The following CDH9 variants were observed in gnomAD, a reference collection of about 807,000 sequenced individuals.
CDH9 encodes the protein cadherin 9.
Under a neutral mutation model 70.9 loss-of-function variants are expected in CDH9, and 28 were observed. The ratio of observed to expected loss-of-function variants is 0.40; its 90% confidence interval spans 0.29 to 0.54. The LOEUF is 0.54. Ranked by LOEUF, CDH9 falls within the 20% of genes least tolerant of loss-of-function variation. The pLI, the probability that CDH9 is intolerant of heterozygous loss-of-function variation, is 0.59. For synonymous variants in CDH9, 409 were observed against 343.1 expected (o/e 1.19, Z -2.12); for missense variants, 874 against 984.4 (o/e 0.89, Z 1.50).
intron 1 of CDH9, among the ~76,000 whole-genome samples, chr5:27,003,562 C>T (rs1742807453): frequency 6.6e-6 from 1 of 152,028 alleles, no homozygotes; most frequent in Admixed American, 6.6e-5. Flanking sequence ...ACATGATCTC[C>T]ATGGTCCTTC....
chr5:26,952,901 CAAAAAAAA>C (rs70939788), intron 2 of CDH9, among the ~76,000 whole-genome samples: 1 of 105,268 alleles, frequency 9.5e-6, no homozygotes, highest in East Asian at 2.7e-4. Context: ...GTTTCTATTC[CAAAAAAAA>C]AAAAAAAAAA....
chr5:26,963,762 A>T (rs1057119433), intron 2 of CDH9, among the ~76,000 whole-genome samples: 1 of 152,160 alleles, frequency 6.6e-6, no homozygotes, highest in Admixed American at 6.5e-5. Flanking sequence ...ATTTCAATGG[A>T]TATTATGATG....
At chr5:27,020,651 GATCCGATGTATTATT>G (rs1180408318) in intron 1 of CDH9, among the ~76,000 whole-genome samples, 2 of 150,936 alleles carry the variant, frequency 1.3e-5, no homozygotes, top group Admixed American at 1.3e-4. Flanking sequence ...TATACATCTT[GATCCGATGTATTATT>G]TTCTATGCCA....
chr5:27,024,082 A>G (rs1433724501), intron 1 of CDH9, among the ~76,000 whole-genome samples: 1 of 151,778 alleles, frequency 6.6e-6, no homozygotes, highest in Non-Finnish European at 1.5e-5. Context: ...ATAAATAATA[A>G]AAATAAACAT....
intron 2 of CDH9, among the ~76,000 whole-genome samples, chr5:26,923,356 C>T (rs1349856041): frequency 6.6e-6 from 1 of 151,652 alleles, no homozygotes; most frequent in East Asian, 1.9e-4. Context: ...GTCAATTCAG[C>T]AAGAAGATAT....
At chr5:27,030,973 T>A (rs975989211) in intron 1 of CDH9, among the ~76,000 whole-genome samples, 2 of 151,896 alleles carry the variant, frequency 1.3e-5, no homozygotes, top group African/African-American at 4.8e-5. Flanking sequence ...TCTGTAATCC[T>A]AACTTATATG....
chr5:26,988,398 A>G lies in CDH9; in HGVS notation c.-49-16T>C, dbSNP rs1742524102. The G allele has an allele frequency of 4.5e-6, 7 of 1,553,948 alleles. No homozygotes were observed. The East Asian group carries it at 1.1e-4, about 25-fold the overall frequency. On this transcript the variant is annotated splice_polypyrimidine_tract_variant and intron_variant, in intron 1 of 11. Transcript: ENST00000231021. ...TTTGTTTTTCCTAAAGAGTAAGGAG[A>G]AAAAAAATGGCTGTATTAGCTTGAG... is the stretch of plus-strand genomic sequence containing the variant.
intron 7 of CDH9, among the ~76,000 whole-genome samples, chr5:26,901,980 T>TATTTCATATTTTCTAGGAAAAC (rs1404266546): frequency 7.2e-5 from 11 of 151,962 alleles, no homozygotes; most frequent in African/African-American, 2.7e-4. Flanking sequence ...CAAAAGAAAA[T>TATTTCATATTTTCTAGGAAAAC]ATTTCATATT....
chr5:26,964,499 C>A (rs188579266), intron 2 of CDH9, among the ~76,000 whole-genome samples: 1 of 152,240 alleles, frequency 6.6e-6, no homozygotes, highest in African/African-American at 2.4e-5. Flanking sequence ...TCCACTCAAC[C>A]AACCAATGAA....
intron 1 of CDH9, among the ~76,000 whole-genome samples, chr5:26,990,574 A>G (rs1187813697): frequency 1.3e-5 from 2 of 152,180 alleles, no homozygotes; most frequent in Non-Finnish European, 2.9e-5. Context: ...CCGGAATTAG[A>G]TATCAGAAAT....
intron 3 of CDH9, among the ~76,000 whole-genome samples, chr5:26,913,048 T>C (rs1579679684): frequency 1.3e-5 from 2 of 152,162 alleles, no homozygotes; most frequent in African/African-American, 4.8e-5. Flanking sequence ...TCCTCAGCCA[T>C]GTGGAACTGT....
At chr5:26,898,789 AG>A (rs1740798819) in intron 7 of CDH9, among the ~76,000 whole-genome samples, 2 of 152,324 alleles carry the variant, frequency 1.3e-5, no homozygotes, top group East Asian at 3.9e-4. Flanking sequence ...AAACACCAAA[AG>A]CAATGACAAC....
intron 1 of CDH9, among the ~76,000 whole-genome samples, chr5:27,021,132 G>C: frequency 6.6e-6 from 1 of 151,638 alleles, no homozygotes; most frequent in Admixed American, 6.6e-5. Context: ...GCATATTAGG[G>C]GAGTCTCTCC....
intron 6 of CDH9, 58 bp from the exon 7 acceptor site, chr5:26,902,787 A>G (rs951087226): frequency 9.7e-7 from 1 of 1,031,508 alleles, no homozygotes; most frequent in Non-Finnish European, 1.4e-6. Flanking sequence ...ACAATGAAAG[A>G]CGATTTCAAA....
chr5:26,982,796 C>T (rs896390391), intron 2 of CDH9, among the ~76,000 whole-genome samples: 4 of 151,900 alleles, frequency 2.6e-5, no homozygotes, highest in African/African-American at 9.7e-5. Flanking sequence ...GATTCTCCTG[C>T]CTCAGCCTCC....
intron 3 of CDH9, among the ~76,000 whole-genome samples, chr5:26,913,893 G>T (rs977833704): frequency 4.0e-5 from 6 of 151,700 alleles, no homozygotes; most frequent in Non-Finnish European, 7.4e-5. Context: ...ATGTATACAG[G>T]TGACAAATAG....
At chr5:26,905,453 G>T (rs1252173649) in intron 5 of CDH9, among the ~76,000 whole-genome samples, 1 of 152,082 alleles carries the variant, frequency 6.6e-6, no homozygotes, top group Non-Finnish European at 1.5e-5. Flanking sequence ...AAGCCCATCT[G>T]CACTGATATC....
At chr5:26,934,362 G>A (rs1295375672) in intron 2 of CDH9, among the ~76,000 whole-genome samples, 1 of 152,114 alleles carries the variant, frequency 6.6e-6, no homozygotes, top group South Asian at 2.1e-4. Flanking sequence ...ATGCTAGGGA[G>A]GATGAGGTGG....
chr5:26,886,446 C>T (rs2111968438), intron 9 of CDH9, among the ~76,000 whole-genome samples: 1 of 152,180 alleles, frequency 6.6e-6, no homozygotes, highest in Admixed American at 6.6e-5. Context: ...CAATCTGTTA[C>T]TTCCACTAGA....
Sources: allele counts gnomAD v4.1 joint callset (sites outside exome capture counted in the v4.1 genomes callset), GRCh38; gene constraint gnomAD v4.1.1; transcripts MANE v1.5; gene names NCBI Gene and HGNC (gene_info 2026-07-23, HGNC 2026-07-21).